The following KAZN variants were observed in gnomAD, a reference collection of about 807,000 sequenced individuals.
KAZN encodes the protein kazrin, periplakin interacting protein.
Under a neutral mutation model 87.4 loss-of-function variants are expected in KAZN, and 40 were observed. The observed-to-expected ratio is 0.46, with a 90% CI of 0.36 to 0.60. The LOEUF is 0.60. Ranked by LOEUF, KAZN falls within the 20% of genes least tolerant of loss-of-function variation. KAZN has a pLI of 0.00. For synonymous variants in KAZN, 466 were observed against 458.3 expected, an observed-to-expected ratio of 1.02 and a Z score of -0.22; for missense variants, 898 against 1,073.9, an observed-to-expected ratio of 0.84 and a Z score of 2.29.
chr1:14,133,970 C>T (rs1340398724), intron 1 of KAZN, among the ~76,000 whole-genome samples: 1 of 152,220 alleles, frequency 6.6e-6, no homozygotes, highest in East Asian at 1.9e-4. Flanking sequence ...CGACACAGTT[C>T]TGATTCCTGC....
chr1:14,173,140 C>CA (rs1253088265), intron 1 of KAZN, among the ~76,000 whole-genome samples: 1 of 152,004 alleles, frequency 6.6e-6, no homozygotes, highest in Non-Finnish European at 1.5e-5. Context: ...GGAGGAGTAG[C>CA]AAAAAATTTA....
chr1:13,983,410 T>A (rs1638847219), intron 1 of KAZN, among the ~76,000 whole-genome samples: 1 of 152,212 alleles, frequency 6.6e-6, no homozygotes, highest in African/African-American at 2.4e-5. Context: ...GCCCGGGTGC[T>A]AAGTCCCTCA....
chr1:14,388,987 C>CA, intron 2 of KAZN, among the ~76,000 whole-genome samples: 1 of 152,102 alleles, frequency 6.6e-6, no homozygotes, highest in Non-Finnish European at 1.5e-5. Context: ...ATAAGGCACT[C>CA]AAACAACTCT....
chr1:14,888,175 G>A (rs1654304349), intron 1 of KAZN, among the ~76,000 whole-genome samples: 1 of 152,190 alleles, frequency 6.6e-6, no homozygotes. Flanking sequence ...CAGTGAGCGT[G>A]CCTCGCCGGA....
chr1:14,121,282 T>G (rs1055402367), intron 1 of KAZN, among the ~76,000 whole-genome samples: 2 of 152,184 alleles, frequency 1.3e-5, no homozygotes, highest in Non-Finnish European at 2.9e-5. Context: ...ACCTCTTCTG[T>G]TGGTCAGCTA....
Position 14,639,082 on chromosome 1 carries a change from A to T in KAZN, c.226+39859A>T, listed in dbSNP as rs570805474. Among the ~76,000 whole-genome samples, 5 of 152,116 alleles carry T rather than the reference A, an allele frequency of 3.3e-5. No homozygotes were observed. The East Asian group carries it at 7.7e-4, about 24-fold the overall frequency. ...CCTCAGTCCCTGAAACGCATCTTTC[A>T]TGTCTTTTCTTCCGTGCACCCTTGG... On this transcript the variant is annotated intron_variant, in intron 1 of 14. Coordinates refer to ENST00000376030, the MANE Select transcript of KAZN (RefSeq NM_201628.3).
intron 1 of KAZN, among the ~76,000 whole-genome samples, chr1:14,020,003 G>T (rs1359663324): frequency 6.6e-6 from 1 of 151,948 alleles, no homozygotes; most frequent in Non-Finnish European, 1.5e-5. Flanking sequence ...GGAGCCCTGA[G>T]CTTGTTTTCC....
At chr1:14,411,679 C>A (rs1036336106) in intron 2 of KAZN, among the ~76,000 whole-genome samples, 1 of 151,980 alleles carries the variant, frequency 6.6e-6, no homozygotes, top group Non-Finnish European at 1.5e-5. Context: ...GAAAGAAGGA[C>A]TAAAACCCAG....
At chr1:13,926,198 G>A (rs527711977) in intron 1 of KAZN, among the ~76,000 whole-genome samples, 1 of 152,078 alleles carries the variant, frequency 6.6e-6, no homozygotes, top group Non-Finnish European at 1.5e-5. Flanking sequence ...AGCACTTCAT[G>A]CTTCCCTATG....
At chr1:14,412,169 G>A (rs1254223780) in intron 2 of KAZN, among the ~76,000 whole-genome samples, 14 of 152,050 alleles carry the variant, frequency 9.2e-5, no homozygotes, top group Admixed American at 9.2e-4. Flanking sequence ...AATTAAGATG[G>A]GCAAAATAAA....
chr1:14,547,033 A>C (rs1002430653), intron 2 of KAZN, among the ~76,000 whole-genome samples: 1 of 152,192 alleles, frequency 6.6e-6, no homozygotes. Context: ...CCAAGCTTAA[A>C]TCAACTCTAT....
intron 1 of KAZN, among the ~76,000 whole-genome samples, chr1:14,078,313 C>T (rs764537870): frequency 3.2e-4 from 48 of 152,152 alleles, no homozygotes; most frequent in Non-Finnish European, 5.4e-4. Context: ...ATCTAAACTC[C>T]ATCCACAGCA....
chr1:14,611,357 G>A (rs894725236), intron 1 of KAZN, among the ~76,000 whole-genome samples: 5 of 152,182 alleles, frequency 3.3e-5, no homozygotes, highest in Admixed American at 2.6e-4. Flanking sequence ...ATGGATTCTA[G>A]AAAAGTAGAA....
intron 1 of KAZN, among the ~76,000 whole-genome samples, chr1:14,610,964 G>C (rs1677771325): frequency 6.6e-6 from 1 of 152,150 alleles, no homozygotes. Context: ...AGATGCCTGT[G>C]GTCACTTTCG....
chr1:14,811,770 T>A (rs1207188476), intron 1 of KAZN, among the ~76,000 whole-genome samples: 5 of 152,254 alleles, frequency 3.3e-5, no homozygotes, highest in Non-Finnish European at 7.3e-5. Flanking sequence ...CAAATGATAG[T>A]GCATGTTATA....
At chr1:15,030,063 C>G (rs1285551815) in intron 2 of KAZN, among the ~76,000 whole-genome samples, 1 of 152,200 alleles carries the variant, frequency 6.6e-6, no homozygotes, top group Non-Finnish European at 1.5e-5. Context: ...GTGCCATTAA[C>G]CAGCTGTGTG....
intron 2 of KAZN, among the ~76,000 whole-genome samples, chr1:14,341,318 G>T (rs965118634): frequency 2.6e-5 from 4 of 152,302 alleles, no homozygotes; most frequent in African/African-American, 9.6e-5. Flanking sequence ...GATGTGACAG[G>T]CACCTGCAGT....
At chr1:14,846,739 G>A (rs1648814467) in intron 1 of KAZN, among the ~76,000 whole-genome samples, 2 of 152,166 alleles carry the variant, frequency 1.3e-5, no homozygotes, top group African/African-American at 2.4e-5. Context: ...ACTTACCACA[G>A]TGATCATAAC....
At chr1:14,034,502 G>A (rs116276822) in intron 1 of KAZN, among the ~76,000 whole-genome samples, 1,544 of 152,266 alleles carry the variant, frequency 0.01, 30 homozygotes, top group African/African-American at 0.035. Context: ...CAAAGGTGTC[G>A]AGCTGGGTCA....
Sources: gnomAD v4.1 joint callset for allele counts (sites outside exome capture counted in the v4.1 genomes callset) on GRCh38, gnomAD v4.1.1 for gene constraint, MANE v1.5 for transcripts, NCBI Gene and HGNC (gene_info 2026-07-23, HGNC 2026-07-21) for gene names.